The following HTR1F variants were observed in gnomAD, a reference collection of about 807,000 sequenced individuals.
HTR1F encodes the protein 5-hydroxytryptamine (serotonin) receptor 1F, G protein-coupled.
In HTR1F, 17 loss-of-function variants were observed where a neutral mutation model predicts 24.0. That is an observed-to-expected ratio of 0.71 (90% confidence interval 0.48 to 1.06). The LOEUF (loss-of-function observed/expected upper bound fraction) is 1.06, where lower values mean the gene tolerates loss of function less well. Ranked by LOEUF, HTR1F falls within the 50% of genes least tolerant of loss-of-function variation. The pLI is 0.00. For synonymous variants in HTR1F, 186 were observed against 156.8 expected (o/e 1.19, Z -1.39); for missense variants, 391 against 427.8 (o/e 0.91, Z 0.76).
chr3:87,826,147 A>C (rs1286083720), intron 2 of HTR1F, among the ~76,000 whole-genome samples: 1 of 152,224 alleles, frequency 6.6e-6, no homozygotes, highest in Non-Finnish European at 1.5e-5. Context: ...GAAACTCTGC[A>C]TGCTTTCCTA....
At chr3:87,948,541 G>A (rs1047795458) in intron 2 of HTR1F, among the ~76,000 whole-genome samples, 4 of 151,204 alleles carry the variant, frequency 2.6e-5, no homozygotes, top group Non-Finnish European at 1.5e-5. Context: ...GAGTGCAGTC[G>A]CATAGTCACA....
intron 2 of HTR1F, among the ~76,000 whole-genome samples, chr3:87,934,006 TC>T (rs1275628382): frequency 6.6e-5 from 10 of 152,190 alleles, no homozygotes; most frequent in Non-Finnish European, 1.5e-4. Flanking sequence ...GCTTTTCCAG[TC>T]CCTGGGAAAA....
chr3:87,861,431 A>G (rs896073416), intron 2 of HTR1F, among the ~76,000 whole-genome samples: 1 of 152,154 alleles, frequency 6.6e-6, no homozygotes, highest in Non-Finnish European at 1.5e-5. Context: ...ATTTTCCCTA[A>G]TCTTCAATTA....
At chr3:87,839,753 T>C (rs1392759713) in intron 2 of HTR1F, among the ~76,000 whole-genome samples, 2 of 152,148 alleles carry the variant, frequency 1.3e-5, no homozygotes, top group South Asian at 2.1e-4. Context: ...AGGTAGTTTT[T>C]TTCAACTCTC....
chr3:87,876,500 A>T (rs544932849), intron 2 of HTR1F, among the ~76,000 whole-genome samples: 3 of 152,352 alleles, frequency 2.0e-5, no homozygotes, highest in Non-Finnish European at 4.4e-5. Flanking sequence ...GTTATACTTC[A>T]TTATAGGTGA....
At chr3:87,916,164 G>A (rs1004103569) in intron 2 of HTR1F, among the ~76,000 whole-genome samples, 22 of 151,692 alleles carry the variant, frequency 1.5e-4, no homozygotes, top group Admixed American at 8.6e-4. Context: ...AAGAGAATTC[G>A]CCATTACCAA....
intron 1 of HTR1F, among the ~76,000 whole-genome samples, chr3:87,798,769 C>T (rs1229493204): frequency 1.3e-5 from 2 of 152,184 alleles, no homozygotes; most frequent in Non-Finnish European, 2.9e-5. Flanking sequence ...CCGAATGACT[C>T]AGTAACATTG....
intron 2 of HTR1F, among the ~76,000 whole-genome samples, chr3:87,839,323 A>G (rs1575928659): frequency 6.6e-6 from 1 of 152,098 alleles, no homozygotes; most frequent in East Asian, 1.9e-4. Context: ...TCTACTGAAA[A>G]GACTTCCCTT....
At chr3:87,870,952 G>T (rs1575968967) in intron 2 of HTR1F, among the ~76,000 whole-genome samples, 1 of 151,124 alleles carries the variant, frequency 6.6e-6, no homozygotes, top group African/African-American at 2.4e-5. Flanking sequence ...CATGAAGACT[G>T]GGAGAGATGG....
At chr3:87,845,905 G>T (rs1303509163) in intron 2 of HTR1F, among the ~76,000 whole-genome samples, 1 of 151,798 alleles carries the variant, frequency 6.6e-6, no homozygotes, top group Admixed American at 6.6e-5. Context: ...TTGTCCATTG[G>T]ATTGTAAATT....
intron 2 of HTR1F, among the ~76,000 whole-genome samples, chr3:87,969,668 T>G (rs1163297922): frequency 6.6e-6 from 1 of 152,184 alleles, no homozygotes; most frequent in Non-Finnish European, 1.5e-5. Context: ...GACTGTGGAC[T>G]TTTGAGTTAA....
chr3:87,865,257 C>G (rs1705402309), intron 2 of HTR1F, among the ~76,000 whole-genome samples: 1 of 152,092 alleles, frequency 6.6e-6, no homozygotes, highest in Non-Finnish European at 1.5e-5. Flanking sequence ...TAATAACTCT[C>G]TTAGTACCTA....
intron 2 of HTR1F, among the ~76,000 whole-genome samples, chr3:87,932,757 C>T (rs1467217531): frequency 5.9e-5 from 9 of 151,328 alleles, no homozygotes; most frequent in African/African-American, 2.0e-4. Context: ...GACTCACAGC[C>T]GAATTCTACC....
intron 2 of HTR1F, among the ~76,000 whole-genome samples, chr3:87,958,539 C>T (rs1306040232): frequency 6.6e-6 from 1 of 151,556 alleles, no homozygotes; most frequent in Admixed American, 6.6e-5. Flanking sequence ...TCTAAACAAA[C>T]ACTCTTTGTT....
chr3:87,897,236 T>TTATATATA (rs57031236), intron 2 of HTR1F, among the ~76,000 whole-genome samples: 1 of 146,560 alleles, frequency 6.8e-6, no homozygotes, highest in African/African-American at 2.5e-5. Context: ...TATAAATGTT[T>TTATATATA]TATATATATA....
At chr3:87,954,866 C>A (rs1366621692) in intron 2 of HTR1F, among the ~76,000 whole-genome samples, 2 of 151,370 alleles carry the variant, frequency 1.3e-5, no homozygotes, top group Non-Finnish European at 3.0e-5. Flanking sequence ...AAACTTTCAA[C>A]TCATTTTCCT....
intron 2 of HTR1F, among the ~76,000 whole-genome samples, chr3:87,955,989 C>T (rs77041929): frequency 0.014 from 2,184 of 151,450 alleles, 54 homozygotes; most frequent in Non-Finnish European, 0.016. Context: ...TGGGTATTGT[C>T]TCCCATTCTG....
intron 2 of HTR1F, among the ~76,000 whole-genome samples, chr3:87,873,813 G>A (rs935491348): frequency 1.3e-5 from 2 of 151,802 alleles, no homozygotes; most frequent in African/African-American, 4.8e-5. Flanking sequence ...TAAAAGGCAA[G>A]CATGGCTCAA....
intron 2 of HTR1F, among the ~76,000 whole-genome samples, chr3:87,920,860 C>T (rs1373021367): frequency 1.3e-5 from 2 of 151,926 alleles, no homozygotes; most frequent in East Asian, 3.9e-4. Flanking sequence ...TGAACATCTG[C>T]CCCTGAACCT....
Sources: allele counts gnomAD v4.1 joint callset (sites outside exome capture counted in the v4.1 genomes callset), GRCh38; gene constraint gnomAD v4.1.1; transcripts MANE v1.5; gene names NCBI Gene and HGNC (gene_info 2026-07-23, HGNC 2026-07-21).